DPP4: variants seen among roughly 807,000 people sequenced by gnomAD.
DPP4 encodes the protein ADCP-2.
In DPP4, 93 loss-of-function variants were observed where a neutral mutation model predicts 122.4. That is an observed-to-expected ratio of 0.76 (90% CI 0.64 to 0.90). The LOEUF (loss-of-function observed/expected upper bound fraction) is 0.90. DPP4 is among the 40% of genes least tolerant of loss of function. The pLI is 0.00. For missense variants in DPP4, 914 were observed against 907.3 expected, an observed-to-expected ratio of 1.01 and a Z score of -0.09; for synonymous variants, 321 against 302.9, an observed-to-expected ratio of 1.06 and a Z score of -0.62.
intron 23 of DPP4, among the ~76,000 whole-genome samples, chr2:161,997,907 A>C (rs1435760037): frequency 1.3e-5 from 2 of 152,184 alleles, no homozygotes; most frequent in Non-Finnish European, 2.9e-5. Flanking sequence ...TACTTCCTAC[A>C]TTGCACTGCG....
At chr2:162,048,366 T>C (rs769094415) in intron 2 of DPP4, among the ~76,000 whole-genome samples, 1 of 152,116 alleles carries the variant, frequency 6.6e-6, no homozygotes, top group Non-Finnish European at 1.5e-5. Flanking sequence ...CCCAATTCTC[T>C]CCCTCCTCTG....
intron 10 of DPP4, among the ~76,000 whole-genome samples, chr2:162,028,058 A>T (rs1280224831): frequency 8.2e-6 from 1 of 121,238 alleles, no homozygotes; most frequent in Non-Finnish European, 1.7e-5. Context: ...AGAATCATTT[A>T]AAAAAAAAAA....
chr2:162,036,751 G>C (rs1044575936), intron 8 of DPP4, among the ~76,000 whole-genome samples: 2 of 152,170 alleles, frequency 1.3e-5, no homozygotes, highest in East Asian at 1.9e-4. Flanking sequence ...TTAGTCTCTG[G>C]GTGGTGATTC....
chr2:162,073,317 T>C (rs1047504062), intron 2 of DPP4, 82 bp downstream of exon 2: 24 of 1,433,492 alleles, frequency 1.7e-5, no homozygotes, highest in Non-Finnish European at 2.3e-5. Flanking sequence ...CCACGCAAAA[T>C]CCCTCGTTTC....
At chr2:162,040,826 A>G (rs1409926755) in intron 5 of DPP4, among the ~76,000 whole-genome samples, 2 of 152,028 alleles carry the variant, frequency 1.3e-5, no homozygotes, top group African/African-American at 2.4e-5. Flanking sequence ...GACATTAATA[A>G]TAGGGGAAAG....
At chr2:161,995,955 G>C (rs908682385) in intron 23 of DPP4, among the ~76,000 whole-genome samples, 1 of 152,140 alleles carries the variant, frequency 6.6e-6, no homozygotes, top group East Asian at 1.9e-4. Context: ...GGGAGGGGAA[G>C]GGGGTAAAAA....
At chr2:161,997,811 C>G (rs2106071337) in intron 23 of DPP4, among the ~76,000 whole-genome samples, 1 of 152,280 alleles carries the variant, frequency 6.6e-6, no homozygotes, top group Middle Eastern at 3.4e-3. Context: ...GATGGAGGCA[C>G]CAAGACTCAG....
At chr2:162,033,458 C>T in intron 10 of DPP4, 83 bp downstream of exon 10, 1 of 962,898 alleles carries the variant, frequency 1.0e-6, no homozygotes, top group Non-Finnish European at 1.6e-6. Context: ...GGCTGTGATC[C>T]ACTTTGCCAT....
chr2:161,993,450 T>A, intron 25 of DPP4, 66 bp from the exon 26 acceptor site: 3 of 1,086,992 alleles, frequency 2.8e-6, no homozygotes, highest in Non-Finnish European at 4.2e-6. Context: ...AAAAAATACG[T>A]AAATTCAAAT....
At chr2:162,026,339 C>T (rs751709435) in intron 10 of DPP4, among the ~76,000 whole-genome samples, 5 of 152,140 alleles carry the variant, frequency 3.3e-5, no homozygotes, top group African/African-American at 9.7e-5. Flanking sequence ...GAAACAGGAC[C>T]GAACCCCTTC....
chr2:162,035,014 A>C, intron 9 of DPP4, 150 bp downstream of exon 9: 1 of 662,822 alleles, frequency 1.5e-6, no homozygotes. Context: ...AAATACTTTA[A>C]AATTGCCAGA....
At chr2:162,073,886 T>C (rs1685214032) in intron 1 of DPP4, 90 bp downstream of exon 1, 2 of 1,557,056 alleles carry the variant, frequency 1.3e-6, no homozygotes, top group Non-Finnish European at 1.7e-6. Flanking sequence ...GAGTCCCTGG[T>C]CCGGTTTCGC....
At chr2:162,042,902 G>A (rs1684036220) in intron 5 of DPP4, among the ~76,000 whole-genome samples, 1 of 152,156 alleles carries the variant, frequency 6.6e-6, no homozygotes, top group Admixed American at 6.5e-5. Context: ...ACTGATTTGT[G>A]GGGTGTGGGT....
intron 20 of DPP4, among the ~76,000 whole-genome samples, chr2:162,010,831 A>G (rs974060446): frequency 1.3e-5 from 2 of 152,026 alleles, no homozygotes; most frequent in African/African-American, 4.8e-5. Context: ...TCCTCTCTCC[A>G]TCTATTTCAT....
chr2:161,998,013 C>T (rs563601225), intron 23 of DPP4, among the ~76,000 whole-genome samples: 3 of 152,276 alleles, frequency 2.0e-5, no homozygotes, highest in East Asian at 3.9e-4. Flanking sequence ...ATTTGAAGTG[C>T]ATAATAATAA....
chr2:162,041,813 C>A (rs1281306503), intron 5 of DPP4, among the ~76,000 whole-genome samples: 3 of 152,166 alleles, frequency 2.0e-5, no homozygotes, highest in African/African-American at 4.8e-5. Context: ...TAAACACTGG[C>A]AGCTATCATC....
intron 5 of DPP4, among the ~76,000 whole-genome samples, chr2:162,044,756 A>C (rs554738448): frequency 4.5e-4 from 68 of 152,184 alleles, no homozygotes; most frequent in African/African-American, 1.5e-3. Flanking sequence ...CCTTTCCTGA[A>C]TGTGTGAGGA....
intron 10 of DPP4, among the ~76,000 whole-genome samples, 175 bp downstream of exon 10, chr2:162,033,366 C>T (rs1683631268): frequency 6.6e-6 from 1 of 152,142 alleles, no homozygotes; most frequent in Non-Finnish European, 1.5e-5. Context: ...GAGTTGTGCC[C>T]AGCCTGAGGA....
chr2:162,020,283 A>G lies in DPP4; in HGVS notation c.1190T>C (p.Ile397Thr), dbSNP rs933260207. ...FQIDKKDCTF[I>T]TKGTWEVIGI... ...GATGACTTCCCAGGTGCCTTTTGTAATAAATGTGCAGTCCTGATGGTTTTT... is the reference window on the plus strand; with the variant it reads ...GATGACTTCCCAGGTGCCTTTTGTAGTAAATGTGCAGTCCTGATGGTTTTT... Residue 397 changes from isoleucine to threonine, a missense_variant, in exon 14 of 26, where the codon ATT becomes ACT. Coordinates refer to ENST00000360534, the MANE Select transcript of DPP4 (RefSeq NM_001935.4). 1.9e-6 allele frequency: 3 copies of G among 1,609,122 alleles called. No individual in the cohort carries two copies. In the East Asian group the frequency reaches 6.7e-5, roughly 36 times the overall value.
Sources: gnomAD v4.1 joint callset for allele counts (sites outside exome capture counted in the v4.1 genomes callset) on GRCh38, gnomAD v4.1.1 for gene constraint, MANE v1.5 for transcripts, NCBI Gene and HGNC (gene_info 2026-07-23, HGNC 2026-07-21) for gene names.